CATSPERE: variants seen among roughly 807,000 people sequenced by gnomAD.
CATSPERE encodes the protein cation channel sperm-associated auxiliary subunit epsilon.
CATSPERE carries 93 observed loss-of-function variants against 114.1 expected under a neutral mutation model. The ratio of observed to expected loss-of-function variants is 0.81; its 90% CI spans 0.69 to 0.97. CATSPERE has a LOEUF of 0.97. Ranked by LOEUF, CATSPERE falls within the 50% of genes least tolerant of loss-of-function variation. The pLI is 0.00. For synonymous variants in CATSPERE, 341 were observed against 384.1 expected (o/e 0.89, Z 1.31); for missense variants, 1,058 against 1,131.6 (o/e 0.93, Z 0.93).
chr1:244,636,266 T>A (rs1268497164), intron 21 of CATSPERE, among the ~76,000 whole-genome samples: 1 of 152,014 alleles, frequency 6.6e-6, no homozygotes, highest in East Asian at 1.9e-4. Flanking sequence ...GGCCTGGTGT[T>A]TGGAATTTGG....
chr1:244,613,972 AAG>A (rs1383247904), intron 19 of CATSPERE, among the ~76,000 whole-genome samples: 1 of 152,046 alleles, frequency 6.6e-6, no homozygotes, highest in African/African-American at 2.4e-5. Context: ...TCACAATAGG[AAG>A]AGAGACCTGA....
Position 244,581,685 on chromosome 1 carries a change from C to A in CATSPERE, c.1951-111C>A. The A allele has an allele frequency of 8.8e-6, 5 of 569,744 alleles. No individual in the cohort carries two copies. The South Asian group carries it at 9.3e-5, about 11-fold the overall frequency. 35.3% of individuals were successfully genotyped at this position (569,744 alleles called of 1,614,324 possible). A position where few individuals can be genotyped will look rare whatever the true frequency, so the allele number is the denominator to read the frequency against. On this transcript the variant is annotated intron_variant, in intron 11 of 21. Transcript: ENST00000366534. ...ACACGTGATGAACATCATTACATAC[C>A]CTAATGAAGGCATTTTACATGCCTA...
intron 18 of CATSPERE, among the ~76,000 whole-genome samples, chr1:244,606,579 A>AGAGTATTG (rs1670032148): frequency 6.6e-6 from 1 of 150,544 alleles, no homozygotes; most frequent in Admixed American, 6.6e-5. Context: ...GCCATCCCCC[A>AGAGTATTG]GAGTATTGCA....
At chr1:244,567,591 A>C (rs544212948) in intron 10 of CATSPERE, among the ~76,000 whole-genome samples, 1 of 151,770 alleles carries the variant, frequency 6.6e-6, no homozygotes, top group African/African-American at 2.4e-5. Flanking sequence ...TATTTCATTA[A>C]GTTGATCTTT....
chr1:244,565,905 CT>C (rs1001206915), intron 10 of CATSPERE, among the ~76,000 whole-genome samples: 1 of 152,168 alleles, frequency 6.6e-6, no homozygotes, highest in Non-Finnish European at 1.5e-5. Flanking sequence ...TCTTGCTTCT[CT>C]AGTTCTTTTA....
chr1:244,498,569 T>TG (rs996112727), intron 6 of CATSPERE, among the ~76,000 whole-genome samples: 5 of 151,820 alleles, frequency 3.3e-5, no homozygotes, highest in East Asian at 3.9e-4. Context: ...AGTATGTGAG[T>TG]GGGGGGGTGA....
At chr1:244,461,247 A>C, upstream of CATSPERE, 1 of 440,788 alleles carries the variant, frequency 2.3e-6, no homozygotes, top group Non-Finnish European at 3.8e-6. Context: ...TAGGGAGCCC[A>C]GGTAGCGGCG....
At chr1:244,553,624 C>CACACACACACACACATATACAT (rs1558485013) in intron 9 of CATSPERE, among the ~76,000 whole-genome samples, 2 of 144,448 alleles carry the variant, frequency 1.4e-5, no homozygotes, top group African/African-American at 5.5e-5. Context: ...CACACACACA[C>CACACACACACACACATATACAT]ACACACACAC....
chr1:244,579,319 G>A (rs779931940), intron 11 of CATSPERE, among the ~76,000 whole-genome samples: 23 of 152,072 alleles, frequency 1.5e-4, no homozygotes, highest in Non-Finnish European at 2.8e-4. Context: ...TGCAAATGGC[G>A]CCATGTGTGG....
intron 5 of CATSPERE, among the ~76,000 whole-genome samples, chr1:244,486,709 G>T (rs1446020382): frequency 1.5e-5 from 2 of 129,696 alleles, no homozygotes; most frequent in East Asian, 2.6e-4. Flanking sequence ...TCACCTGCTG[G>T]GTGGTCCAGC....
chr1:244,453,362 CT>C (rs1665803462), upstream of CATSPERE, among the ~76,000 whole-genome samples: 1 of 152,188 alleles, frequency 6.6e-6, no homozygotes, highest in African/African-American at 2.4e-5. Flanking sequence ...TTATGGGAGA[CT>C]GATTTGAGTA....
chr1:244,593,611 A>C (rs377605237), intron 17 of CATSPERE, 33 bp downstream of exon 17: 1 of 1,556,566 alleles, frequency 6.4e-7, no homozygotes, highest in Non-Finnish European at 8.8e-7. Flanking sequence ...TTTAACTTAT[A>C]TTGAAAGTTT....
intron 1 of CATSPERE, among the ~76,000 whole-genome samples, chr1:244,461,909 G>A (rs1441914588): frequency 6.6e-6 from 1 of 152,094 alleles, no homozygotes; most frequent in Non-Finnish European, 1.5e-5. Context: ...AAACTCCTGG[G>A]CCCAAGCGCT....
At position 244,605,669 on chromosome 1, in the gene CATSPERE, A is replaced by G. The variant is rs756161835; in HGVS notation, c.2304-26A>G. ...CCCCTCTATTTTATATTAAACTAGTATCTTTCTGTTTGTTGTTTCTTTCAG... is the reference window on the plus strand; with the variant it reads ...CCCCTCTATTTTATATTAAACTAGTGTCTTTCTGTTTGTTGTTTCTTTCAG... On this transcript the variant is annotated intron_variant, in intron 17 of 21. Coordinates refer to ENST00000366534, the MANE Select transcript of CATSPERE (RefSeq NM_001130957.2). The G allele has an allele frequency of 9.5e-6, 14 of 1,477,362 alleles. No homozygotes were observed. The South Asian group carries it at 1.6e-4, about 17-fold the overall frequency. 91.5% of individuals were successfully genotyped at this position (1,477,362 alleles called of 1,614,324 possible).
Position 244,572,649 on chromosome 1 carries a change from T to C in CATSPERE, c.1827T>C (p.Thr609=). The change falls in exon 11 of 22, where the codon ACT becomes ACC. Residue 609 remains threonine, a synonymous_variant. Transcript: ENST00000366534. ...AGGGAGAGGCTCTGACAGTTTGGAC[T>C]CAGATCGTCTATCCAGAAAACACTG... is the stretch of plus-strand genomic sequence containing the variant. ...LDKGEALTVW[T]QIVYPENTGL... is the part of the protein sequence containing the mutation. The C allele has an allele frequency of 6.2e-7, 1 of 1,614,112 alleles. No homozygotes were observed. Among genetic ancestry groups the C allele is most frequent in the Non-Finnish European group, 8.5e-7 (1 of 1,179,954 alleles).
intron 8 of CATSPERE, among the ~76,000 whole-genome samples, chr1:244,547,577 A>T (rs949134611): frequency 2.4e-4 from 36 of 148,014 alleles, no homozygotes; most frequent in African/African-American, 9.0e-4. Flanking sequence ...AAAATATAGA[A>T]AAATTTCAAT....
intron 8 of CATSPERE, among the ~76,000 whole-genome samples, chr1:244,527,268 C>A (rs966916537): frequency 6.6e-6 from 1 of 152,172 alleles, no homozygotes; most frequent in African/African-American, 2.4e-5. Context: ...AAAAGAGAGC[C>A]TCCCCTGAAG....
intron 8 of CATSPERE, among the ~76,000 whole-genome samples, chr1:244,546,400 A>G (rs926422264): frequency 3.3e-5 from 5 of 152,224 alleles, no homozygotes; most frequent in Non-Finnish European, 5.9e-5. Context: ...TACTACTTCA[A>G]TGCACAGATA....
rs1306773241 is a variant in CATSPERE, at chr1:244,633,923, G to A, written c.2649-1566G>A. Among the ~76,000 whole-genome samples the A allele has an allele frequency of 1.3e-5, 2 of 148,730 alleles. No homozygotes were observed. The highest frequency in any genetic ancestry group is 2.1e-4 in the South Asian group (1 of 4,714). ...TCTGTTGCCCAGGCTGGAGTGCAGT[G>A]GTGCGATCTCCGCTCACTGCAACCT... On this transcript the variant is annotated intron_variant, in intron 20 of 21. Coordinates refer to ENST00000366534, the MANE Select transcript of CATSPERE (RefSeq NM_001130957.2). This position sits in a 1 kb window ranked among gnomAD's most constrained non-coding sequence, Gnocchi z 4.1.
Sources: allele counts gnomAD v4.1 joint callset (sites outside exome capture counted in the v4.1 genomes callset), GRCh38; gene constraint gnomAD v4.1.1; non-coding constraint Gnocchi (gnomAD v3.1); transcripts MANE v1.5; gene names NCBI Gene and HGNC (gene_info 2026-07-23, HGNC 2026-07-21).